DENND1B: variants seen among roughly 807,000 people sequenced by gnomAD.
DENND1B encodes DENN domain containing 1B.
A neutral mutation model predicts 90.1 loss-of-function variants in DENND1B; 59 were observed. The ratio of observed to expected loss-of-function variants is 0.65; its 90% CI spans 0.53 to 0.81. The LOEUF (loss-of-function observed/expected upper bound fraction) is 0.81, where lower values mean the gene tolerates loss of function less well. Ranked by LOEUF, DENND1B falls within the 40% of genes least tolerant of loss-of-function variation. The pLI is 0.00. For synonymous variants in DENND1B, 337 were observed against 324.6 expected (o/e 1.04, Z -0.41); for missense variants, 862 against 912.6 (o/e 0.94, Z 0.71).
chr1:197,598,801 A>G (rs948179511), intron 13 of DENND1B, among the ~76,000 whole-genome samples: 26 of 151,806 alleles, frequency 1.7e-4, no homozygotes, highest in African/African-American at 6.0e-4. Flanking sequence ...TTACTTCACA[A>G]AGGACATTTT....
chr1:197,735,925 A>C (rs1233011942), intron 2 of DENND1B: 1 of 1,506,164 alleles, frequency 6.6e-7, no homozygotes, highest in Non-Finnish European at 9.2e-7. Context: ...AGGAATCAGA[A>C]ACCTGAAGTT....
At chr1:197,655,698 A>AT (rs1653744066) in intron 6 of DENND1B, among the ~76,000 whole-genome samples, 1 of 151,724 alleles carries the variant, frequency 6.6e-6, no homozygotes, top group Admixed American at 6.6e-5. Context: ...CACCCGGCTA[A>AT]TTTTTTTGTA....
At position 197,658,995 on chromosome 1, in the gene DENND1B, T is replaced by C. The variant is rs377718473; in HGVS notation, c.297-626A>G. On this transcript the variant is annotated intron_variant, in intron 5 of 22. Transcript: ENST00000620048. Reference sequence around the variant, plus strand: ...AAATATTAAATCCAAAAATCATTTATATAAAACAAAATCTATATTCCTTAT... The same window carrying C: ...AAATATTAAATCCAAAAATCATTTACATAAAACAAAATCTATATTCCTTAT... Among the ~76,000 whole-genome samples the C allele has an allele frequency of 2.6e-5, 4 of 151,104 alleles. No homozygotes were observed. The South Asian group carries it at 6.3e-4, about 24-fold the overall frequency.
chr1:197,672,013 ATTT>A (rs748101972), intron 5 of DENND1B, 21 bp downstream of exon 5: 1 of 1,598,106 alleles, frequency 6.3e-7, no homozygotes, highest in African/African-American at 1.3e-5. Context: ...TTTGCATCTA[ATTT>A]TTTTTACTAC....
At chr1:197,578,969 G>T (rs1340140870) in intron 15 of DENND1B, among the ~76,000 whole-genome samples, 1 of 152,092 alleles carries the variant, frequency 6.6e-6, no homozygotes, top group Non-Finnish European at 1.5e-5. Flanking sequence ...TCACTATGCT[G>T]CCCAGGCTGG....
At chr1:197,608,850 T>G (rs1676929018) in intron 12 of DENND1B, among the ~76,000 whole-genome samples, 1 of 150,584 alleles carries the variant, frequency 6.6e-6, no homozygotes, top group African/African-American at 2.4e-5. Context: ...ATATTAAATT[T>G]TATTTAAGGG....
intron 2 of DENND1B, among the ~76,000 whole-genome samples, chr1:197,727,341 C>T (rs972037143): frequency 6.6e-6 from 1 of 152,014 alleles, no homozygotes; most frequent in Admixed American, 6.6e-5. Flanking sequence ...TGAGACCATC[C>T]TGGCTAACAC....
chr1:197,552,208 T>C (rs1225278209), intron 16 of DENND1B: 2 of 981,288 alleles, frequency 2.0e-6, no homozygotes, highest in African/African-American at 3.5e-5. Flanking sequence ...ACAAAGAAGT[T>C]TAAAAAATTG....
rs1045440016 is a variant in DENND1B, at chr1:197,510,237, A to G, written c.*223T>C. ...ATCTCATGGTCAATACATACTTTAA[A>G]CATACATACACACTAGTACCTGATT... On this transcript the variant is annotated 3_prime_UTR_variant, in exon 23 of 23. Transcript: ENST00000620048. The G allele has an allele frequency of 1.8e-6, 1 of 543,440 alleles. No individual in the cohort carries two copies. The highest frequency in any genetic ancestry group is 3.6e-5 in the Admixed American group (1 of 27,674). 33.7% of individuals were successfully genotyped at this position (543,440 alleles called of 1,614,324 possible).
intron 2 of DENND1B, among the ~76,000 whole-genome samples, chr1:197,770,671 TATAA>T (rs1231991180): frequency 2.8e-5 from 4 of 144,438 alleles, no homozygotes; most frequent in African/African-American, 7.5e-5. Context: ...AATATATATC[TATAA>T]ATATACATAT....
Position 197,508,429 on chromosome 1 carries a change from T to C in DENND1B, c.*2031A>G, listed in dbSNP as rs1436584085. 6.6e-6 allele frequency: 1 copy of C among 151,718 alleles called. No homozygotes were observed. The highest frequency in any genetic ancestry group is 1.5e-5 in the Non-Finnish European group (1 of 67,786). 9.4% of individuals were successfully genotyped at this position (151,718 alleles called of 1,614,324 possible). A position where few individuals can be genotyped will look rare whatever the true frequency, so the allele number is the denominator to read the frequency against. ...TGACAAGAACCTTGAGACTTCTGTATTAAAAAATAAGGATTAAACATTGTT... is the reference window on the plus strand; with the variant it reads ...TGACAAGAACCTTGAGACTTCTGTACTAAAAAATAAGGATTAAACATTGTT... On this transcript the variant is annotated 3_prime_UTR_variant, in exon 23 of 23. Transcript: ENST00000620048.
At chr1:197,707,608 T>C (rs968623320) in intron 3 of DENND1B, among the ~76,000 whole-genome samples, 2 of 146,862 alleles carry the variant, frequency 1.4e-5, no homozygotes, top group African/African-American at 5.0e-5. Flanking sequence ...TATATACATA[T>C]ATATACATAT....
At chr1:197,688,850 T>C in intron 3 of DENND1B, 1 of 209,344 alleles carries the variant, frequency 4.8e-6, no homozygotes, top group Admixed American at 4.3e-5. Context: ...AGTCTATAAA[T>C]GTGGTGGAAT....
At chr1:197,587,021 G>C (rs2125785064) in intron 14 of DENND1B, among the ~76,000 whole-genome samples, 1 of 152,232 alleles carries the variant, frequency 6.6e-6, no homozygotes, top group African/African-American at 2.4e-5. Context: ...AGGGGATCTG[G>C]GCAGGGCACC....
chr1:197,750,099 A>G (rs992523487), intron 2 of DENND1B, among the ~76,000 whole-genome samples: 6 of 152,166 alleles, frequency 3.9e-5, no homozygotes, highest in African/African-American at 1.2e-4. Context: ...CTCCCACCTC[A>G]GCTTCCCAAA....
intron 20 of DENND1B, among the ~76,000 whole-genome samples, chr1:197,525,830 T>C (rs1277566401): frequency 6.6e-6 from 1 of 152,066 alleles, no homozygotes; most frequent in Non-Finnish European, 1.5e-5. Context: ...ATTGCAATTA[T>C]ATTTTGGTGT....
chr1:197,745,616 T>TTATA lies in DENND1B; in HGVS notation c.82+27248_82+27251dup, dbSNP rs60118343. On this transcript the variant is annotated intron_variant, in intron 2 of 22. Coordinates refer to ENST00000620048, the MANE Select transcript of DENND1B (RefSeq NM_001195215.2). ...CTGATAACAGATCACCATATATATA[T>TTATA]TATATATATATATATATATATATAA... 5.0e-3 allele frequency among the ~76,000 whole-genome samples: 361 copies of TTATA among 71,760 alleles called. 1 individual carries two copies. The highest frequency in any genetic ancestry group is 0.019 in the African/African-American group (273 of 14,586). 47.1% of individuals were successfully genotyped at this position (71,760 alleles called of 152,430 possible). A position where few individuals can be genotyped will look rare whatever the true frequency, so the allele number is the denominator to read the frequency against.
At chr1:197,656,592 G>A (rs186550195) in intron 6 of DENND1B, among the ~76,000 whole-genome samples, 1 of 152,128 alleles carries the variant, frequency 6.6e-6, no homozygotes, top group East Asian at 1.9e-4. Context: ...TTGAGGCCAA[G>A]AATTTGAGAC....
chr1:197,686,998 G>A (rs921388070), intron 3 of DENND1B, among the ~76,000 whole-genome samples: 1 of 152,176 alleles, frequency 6.6e-6, no homozygotes, highest in Admixed American at 6.5e-5. Context: ...TGAAATAAAA[G>A]AGCTGTATTG....
Sources: gnomAD v4.1 joint callset for allele counts (sites outside exome capture counted in the v4.1 genomes callset) on GRCh38, gnomAD v4.1.1 for gene constraint, MANE v1.5 for transcripts, NCBI Gene and HGNC (gene_info 2026-07-23, HGNC 2026-07-21) for gene names.